MCHR1: variants seen among roughly 807,000 people sequenced by gnomAD.
MCHR1 encodes the protein melanin-concentrating hormone receptor 1.
A neutral mutation model predicts 20.4 loss-of-function variants in MCHR1; 13 were observed. The ratio of observed to expected loss-of-function variants is 0.64; its 90% CI spans 0.41 to 1.01. MCHR1 has a LOEUF of 1.01. Among genes scored for constraint, MCHR1 ranks in the 50% least tolerant of loss-of-function variants. The probability of loss-of-function intolerance (pLI) is 0.00; values close to 1 mark genes in which losing one functional copy is unlikely to be tolerated. For synonymous variants in MCHR1, 215 were observed against 204.4 expected (o/e 1.05, Z -0.44); for missense variants, 472 against 477.0 (o/e 0.99, Z 0.10).
At position 40,681,220 on chromosome 22, in the gene MCHR1, C is replaced by A; in HGVS notation, c.354C>A (p.Leu118=). The A allele has an allele frequency of 6.2e-7, 1 of 1,614,152 alleles. No homozygotes were observed. Among genetic ancestry groups the A allele is most frequent in the Non-Finnish European group, 8.5e-7 (1 of 1,180,050 alleles). ...ACTTTGGGGAGACCATGTGCACCCT[C>A]ATCACGGCCATGGATGCCAATAGTC... ...VWHFGETMCT[L]ITAMDANSQF... Residue 118 remains leucine, a synonymous_variant, in exon 2 of 2, where the codon CTC becomes CTA. Transcript: ENST00000249016. The surrounding 1 kb of genome is among the most constrained non-coding windows in gnomAD (Gnocchi z 4.3).
chr22:40,682,371 G>A lies in MCHR1; in HGVS notation c.*443G>A, dbSNP rs201535762. 4.8e-5 allele frequency: 9 copies of A among 189,350 alleles called. No homozygotes were observed. The highest frequency in any genetic ancestry group is 3.5e-4 in the South Asian group (3 of 8,578). The allele number at this position is 189,350 out of a possible 1,614,324, so 11.7% of individuals were successfully genotyped here. On this transcript the variant is annotated 3_prime_UTR_variant, in exon 2 of 2. Coordinates refer to ENST00000249016, the MANE Select transcript of MCHR1 (RefSeq NM_005297.4). ...GGAAAGGGCCCGATCGCTCTTTCCC[G>A]CCTCTCACTGGTGCGATGGAAGGTG...
Position 40,681,321 on chromosome 22 carries a change from C to A in MCHR1, c.455C>A (p.Thr152Lys). The change falls in exon 2 of 2, where the codon ACG becomes AAG. Residue 152 changes from threonine (T) to lysine (K), a missense_variant. Physicochemically the swap from Thr to Lys is moderately conservative, Grantham distance 78. Transcript: ENST00000249016. This position sits in a 1 kb window ranked among gnomAD's most constrained non-coding sequence, Gnocchi z 4.3. ...YLATVHPISS[T>K]KFRKPSVATL... ...GCCACTGTCCACCCCATCTCTTCCA[C>A]GAAGTTCCGGAAGCCCTCTGTGGCC... The A allele has an allele frequency of 6.2e-7, 1 of 1,614,220 alleles. No homozygotes were observed. Among genetic ancestry groups the A allele is most frequent in the African/African-American group, 1.3e-5 (1 of 75,078 alleles).
At chr22:40,679,796 C>A in intron 1 of MCHR1, 62 bp downstream of exon 1, 1 of 1,569,674 alleles carries the variant, frequency 6.4e-7, no homozygotes, top group Non-Finnish European at 8.8e-7. Context: ...AGGTTTCACC[C>A]CTGAGCCAAA....
At chr22:40,680,830 T>C (rs905774650) in intron 1 of MCHR1, 119 bp from the exon 2 acceptor site, 1 of 1,581,078 alleles carries the variant, frequency 6.3e-7, no homozygotes, top group South Asian at 1.1e-5. Flanking sequence ...GGAGGGAGAA[T>C]GGTGGGAGAG....
chr22:40,679,659 C>T lies in MCHR1; in HGVS notation c.7C>T (p.Leu3=). ...GGCGACCGGCACTGGCTGGATGGAC[C>T]TGGAAGCCTCGCTGCTGCCCACTGG... The part of the protein sequence containing the change: MD[L]EASLLPTGPN... The change falls in exon 1 of 2, where the codon CTG becomes TTG. Residue 3 remains leucine (L), a synonymous_variant. Coordinates refer to ENST00000249016, the MANE Select transcript of MCHR1 (RefSeq NM_005297.4). 6.2e-7 allele frequency: 1 copy of T among 1,614,148 alleles called. No individual in the cohort carries two copies. The highest frequency in any genetic ancestry group is 8.5e-7 in the Non-Finnish European group (1 of 1,180,022).
rs199732275 is a variant in MCHR1, at chr22:40,681,416, C to A, written c.550C>A (p.Leu184Ile). 6.2e-7 allele frequency: 1 copy of A among 1,614,140 alleles called. No individual in the cohort carries two copies. Among genetic ancestry groups the A allele is most frequent in the Non-Finnish European group, 8.5e-7 (1 of 1,180,044 alleles). ...CACCCCTGTGTGGCTGTATGCCAGA[C>A]TCATCCCCTTCCCAGGAGGTGCAGT... is the stretch of plus-strand genomic sequence containing the variant. ...SITPVWLYAR[L>I]IPFPGGAVGC... Residue 184 changes from leucine (L) to isoleucine (I), a missense_variant, in exon 2 of 2, where the codon CTC becomes ATC. Physicochemically the swap from Leu to Ile is conservative, Grantham distance 5. Transcript: ENST00000249016. This position sits in a 1 kb window ranked among gnomAD's most constrained non-coding sequence, Gnocchi z 4.3.
rs896993823 is a variant in MCHR1 at position 40,681,077 on chromosome 22, C to G, written c.211C>G (p.Leu71Val). The G allele has an allele frequency of 2.5e-6, 4 of 1,614,162 alleles. No individual in the cohort carries two copies. The highest frequency in any genetic ancestry group is 4.5e-5 in the East Asian group (2 of 44,874). Residue 71 changes from leucine to valine, a missense_variant, in exon 2 of 2, where the codon CTG becomes GTG. Coordinates refer to ENST00000249016, the MANE Select transcript of MCHR1 (RefSeq NM_005297.4). The surrounding 1 kb of genome is among the most constrained non-coding windows in gnomAD (Gnocchi z 4.3). ...CTTCGCGGTCGTGAAGAAGTCCAAG[C>G]TGCACTGGTGCAACAACGTCCCCGA... ...VIFAVVKKSK[L>V]HWCNNVPDIF...
rs1297632142 is a variant in MCHR1, at chr22:40,681,532, G to C, written c.666G>C (p.Val222=). Residue 222 remains valine, a synonymous_variant, in exon 2 of 2, where the codon GTG becomes GTC. Coordinates refer to ENST00000249016, the MANE Select transcript of MCHR1 (RefSeq NM_005297.4). This position sits in a 1 kb window ranked among gnomAD's most constrained non-coding sequence, Gnocchi z 4.3. ...QFFLAFALPF[V]VITAAYVRIL... ...TCCTGGCCTTTGCCCTGCCTTTTGT[G>C]GTCATCACAGCCGCATACGTGAGGA... is the stretch of plus-strand genomic sequence containing the variant. The C allele has an allele frequency of 1.9e-6, 3 of 1,612,514 alleles. No homozygotes were observed. Among genetic ancestry groups the C allele is most frequent in the Non-Finnish European group, 1.7e-6 (2 of 1,180,042 alleles).
Position 40,681,597 on chromosome 22 carries a change from A to C in MCHR1, c.731A>C (p.Gln244Pro), listed in dbSNP as rs1325802594. 3.1e-6 allele frequency: 5 copies of C among 1,613,972 alleles called. No homozygotes were observed. Among genetic ancestry groups the C allele is most frequent in the Non-Finnish European group, 3.4e-6 (4 of 1,180,048 alleles). ...RMTSSVAPAS[Q>P]RSIRLRTKRV... Reference sequence around the variant, plus strand: ...ACGTCCTCAGTGGCCCCCGCCTCCCAGCGCAGCATCCGGCTGCGGACAAAG... The same window carrying C: ...ACGTCCTCAGTGGCCCCCGCCTCCCCGCGCAGCATCCGGCTGCGGACAAAG... Residue 244 changes from glutamine to proline, a missense_variant, in exon 2 of 2, where the codon CAG becomes CCG. Coordinates refer to ENST00000249016, the MANE Select transcript of MCHR1 (RefSeq NM_005297.4). The surrounding 1 kb of genome is among the most constrained non-coding windows in gnomAD (Gnocchi z 4.3).
intron 1 of MCHR1, 66 bp downstream of exon 1, chr22:40,679,800 A>G: frequency 6.5e-7 from 1 of 1,543,534 alleles, no homozygotes; most frequent in East Asian, 2.2e-5. Flanking sequence ...TTCACCCCTG[A>G]GCCAAACTGC....
chr22:40,681,988 A>G lies in MCHR1; in HGVS notation c.*60A>G, dbSNP rs199894493. Reference sequence around the variant, plus strand: ...GGGCACCACAACACGCCACCGGGAGAGATGCTGAGAAAAACCCAAGACCGC... The same window carrying G: ...GGGCACCACAACACGCCACCGGGAGGGATGCTGAGAAAAACCCAAGACCGC... On this transcript the variant is annotated 3_prime_UTR_variant, in exon 2 of 2. Coordinates refer to ENST00000249016, the MANE Select transcript of MCHR1 (RefSeq NM_005297.4). The surrounding 1 kb of genome is among the most constrained non-coding windows in gnomAD (Gnocchi z 4.3). The G allele has an allele frequency of 1.9e-6, 3 of 1,595,082 alleles. No homozygotes were observed. Among genetic ancestry groups the G allele is most frequent in the Non-Finnish European group, 2.5e-6 (3 of 1,178,218 alleles).
chr22:40,681,958 A>G lies in MCHR1; in HGVS notation c.*30A>G. Reference sequence around the variant, plus strand: ...TCCCCTGCCACCCTGCACACCTCCAAGTCAGGGCACCACAACACGCCACCG... The same window carrying G: ...TCCCCTGCCACCCTGCACACCTCCAGGTCAGGGCACCACAACACGCCACCG... On this transcript the variant is annotated 3_prime_UTR_variant, in exon 2 of 2. Coordinates refer to ENST00000249016, the MANE Select transcript of MCHR1 (RefSeq NM_005297.4). This position sits in a 1 kb window ranked among gnomAD's most constrained non-coding sequence, Gnocchi z 4.3. The G allele has an allele frequency of 6.2e-7, 1 of 1,600,340 alleles. No homozygotes were observed. Among genetic ancestry groups the G allele is most frequent in the Non-Finnish European group, 8.5e-7 (1 of 1,179,910 alleles).
chr22:40,679,529 C>A lies in MCHR1; in HGVS notation c.-124C>A. 2 of 1,613,818 alleles carry A rather than the reference C, an allele frequency of 1.2e-6. No individual in the cohort carries two copies. Among genetic ancestry groups the A allele is most frequent in the Non-Finnish European group, 1.7e-6 (2 of 1,179,840 alleles). ...GCGGCTGCCAGGCTACGGAGGAAGA[C>A]CCCCTTCCCAACTGCGGGGCTTGCG... is the stretch of plus-strand genomic sequence containing the variant. On this transcript the variant is annotated 5_prime_UTR_variant, in exon 1 of 2. Transcript: ENST00000249016.
At position 40,681,845 on chromosome 22, in the gene MCHR1, A is replaced by G; in HGVS notation, c.979A>G (p.Lys327Glu). The G allele has an allele frequency of 6.2e-7, 1 of 1,614,052 alleles. No individual in the cohort carries two copies. ...CCGCAAACGCTTGGTCCTGTCGGTGAAGCCTGCAGCCCAGGGGCAGCTTCG... is the reference window on the plus strand; with the variant it reads ...CCGCAAACGCTTGGTCCTGTCGGTGGAGCCTGCAGCCCAGGGGCAGCTTCG... ...TFRKRLVLSV[K>E]PAAQGQLRAV... Residue 327 changes from lysine (K) to glutamate (E), a missense_variant, in exon 2 of 2, where the codon AAG becomes GAG. By Grantham distance (56) the Lys-to-Glu change is moderately conservative. Transcript: ENST00000249016. This position sits in a 1 kb window ranked among gnomAD's most constrained non-coding sequence, Gnocchi z 4.3.
At position 40,681,882 on chromosome 22, in the gene MCHR1, A is replaced by G. The variant is rs1367935402; in HGVS notation, c.1016A>G (p.Asn339Ser). The G allele has an allele frequency of 1.2e-6, 2 of 1,612,830 alleles. No homozygotes were observed. The highest frequency in any genetic ancestry group is 2.7e-5 in the African/African-American group (2 of 74,946). ...AAQGQLRAVS[N>S]AQTADEERTE... ...CAGGGGCAGCTTCGCGCTGTCAGCA[A>G]CGCTCAGACGGCTGACGAGGAGAGG... The change falls in exon 2 of 2, where the codon AAC becomes AGC. Residue 339 changes from asparagine to serine, a missense_variant. Coordinates refer to ENST00000249016, the MANE Select transcript of MCHR1 (RefSeq NM_005297.4). This position sits in a 1 kb window ranked among gnomAD's most constrained non-coding sequence, Gnocchi z 4.3.
chr22:40,681,105 T>C lies in MCHR1; in HGVS notation c.239T>C (p.Ile80Thr). Residue 80 changes from isoleucine to threonine, a missense_variant, in exon 2 of 2, where the codon ATC (isoleucine) becomes ACC (threonine). Ile to Thr is a moderately conservative substitution (Grantham distance 89). Transcript: ENST00000249016. This position sits in a 1 kb window ranked among gnomAD's most constrained non-coding sequence, Gnocchi z 4.3. ...KLHWCNNVPDIFIINLSVVDL... is the reference protein window; with the variant it reads ...KLHWCNNVPDTFIINLSVVDL... ...CACTGGTGCAACAACGTCCCCGACA[T>C]CTTCATCATCAACCTCTCGGTAGTA... The C allele has an allele frequency of 6.2e-7, 1 of 1,614,110 alleles. No homozygotes were observed. Among genetic ancestry groups the C allele is most frequent in the East Asian group, 2.2e-5 (1 of 44,876 alleles).
In MCHR1 at chr22:40,681,685, T is replaced by C. The variant is rs750712733; in HGVS notation, c.819T>C (p.Tyr273=). Residue 273 remains tyrosine (Y), a synonymous_variant, in exon 2 of 2, where the codon TAT becomes TAC. Coordinates refer to ENST00000249016, the MANE Select transcript of MCHR1 (RefSeq NM_005297.4). This position sits in a 1 kb window ranked among gnomAD's most constrained non-coding sequence, Gnocchi z 4.3. ...TCTTTGTGTGCTGGGCACCCTACTA[T>C]GTGCTACAGCTGACCCAGTTGTCCA... The part of the protein sequence containing the change: ...LVFFVCWAPY[Y]VLQLTQLSIS... 5 of 1,614,162 alleles carry C rather than the reference T, an allele frequency of 3.1e-6. No individual in the cohort carries two copies. Among genetic ancestry groups the C allele is most frequent in the Non-Finnish European group, 4.2e-6 (5 of 1,180,062 alleles).
Position 40,681,615 on chromosome 22 carries a change from G to A in MCHR1, c.749G>A (p.Arg250Gln), listed in dbSNP as rs199573466. Reference protein sequence around the residue: ...APASQRSIRLRTKRVTRTAIA... With the variant: ...APASQRSIRLQTKRVTRTAIA... ...GCCTCCCAGCGCAGCATCCGGCTGC[G>A]GACAAAGAGGGTGACCCGCACAGCC... is the stretch of plus-strand genomic sequence containing the variant. Residue 250 changes from arginine (R) to glutamine (Q), a missense_variant, in exon 2 of 2, where the codon CGG (arginine) becomes CAG (glutamine). Coordinates refer to ENST00000249016, the MANE Select transcript of MCHR1 (RefSeq NM_005297.4). This position sits in a 1 kb window ranked among gnomAD's most constrained non-coding sequence, Gnocchi z 4.3. 13 of 1,614,024 alleles carry A rather than the reference G, an allele frequency of 8.1e-6. No individual in the cohort carries two copies. Among genetic ancestry groups the A allele is most frequent in the South Asian group, 4.4e-5 (4 of 91,090 alleles).
In MCHR1 at chr22:40,681,782, C is replaced by T. The variant is rs138438808; in HGVS notation, c.916C>T (p.Leu306Phe). 3.1e-6 allele frequency: 5 copies of T among 1,614,152 alleles called. No homozygotes were observed. The African/African-American group carries it at 5.3e-5, about 17-fold the overall frequency. Residue 306 changes from leucine (L) to phenylalanine (F), a missense_variant, in exon 2 of 2, where the codon CTC (leucine) becomes TTC (phenylalanine). By Grantham distance (22) the Leu-to-Phe change is conservative. Coordinates refer to ENST00000249016, the MANE Select transcript of MCHR1 (RefSeq NM_005297.4). The surrounding 1 kb of genome is among the most constrained non-coding windows in gnomAD (Gnocchi z 4.3). ...CAGCTTGGGCTATGCCAACAGCTGC[C>T]TCAACCCCTTTGTGTACATCGTGCT... is the stretch of plus-strand genomic sequence containing the variant. ...AISLGYANSC[L>F]NPFVYIVLCE...
Sources: gnomAD v4.1 joint callset for allele counts on GRCh38, gnomAD v4.1.1 for gene constraint, Gnocchi (gnomAD v3.1) non-coding constraint, MANE v1.5 for transcripts, NCBI Gene and HGNC (gene_info 2026-07-23, HGNC 2026-07-21) for gene names.